CNTNAP5: variants seen among roughly 807,000 people sequenced by gnomAD.
The protein encoded by CNTNAP5 is contactin-associated protein-like 5.
In CNTNAP5, 72 loss-of-function variants were observed where a neutral mutation model predicts 150.2. The observed-to-expected ratio is 0.48, with a 90% CI of 0.40 to 0.58. The LOEUF is 0.58. CNTNAP5 is among the 20% of genes least tolerant of loss of function. The probability of loss-of-function intolerance (pLI) is 0.00; values close to 1 mark genes in which losing one functional copy is unlikely to be tolerated. For synonymous variants in CNTNAP5, 672 were observed against 619.8 expected (o/e 1.08, Z -1.25); for missense variants, 1,636 against 1,626.2 (o/e 1.01, Z -0.10).
chr2:124,673,513 C>T (rs1199666407), intron 13 of CNTNAP5, among the ~76,000 whole-genome samples: 4 of 151,400 alleles, frequency 2.6e-5, no homozygotes, highest in Non-Finnish European at 5.9e-5. Flanking sequence ...TCTTGAAGGC[C>T]TCACACATGA....
chr2:124,041,912 A>G (rs1456047625), intron 1 of CNTNAP5, among the ~76,000 whole-genome samples: 1 of 152,102 alleles, frequency 6.6e-6, no homozygotes, highest in Non-Finnish European at 1.5e-5. Context: ...CCCAGGCTGG[A>G]GTGCAGTGGG....
chr2:124,791,323 G>A (rs1681724363), intron 18 of CNTNAP5, among the ~76,000 whole-genome samples: 1 of 152,108 alleles, frequency 6.6e-6, no homozygotes, highest in Non-Finnish European at 1.5e-5. Context: ...TGCTTCTTGG[G>A]AGAAAATTAA....
intron 8 of CNTNAP5, among the ~76,000 whole-genome samples, chr2:124,511,115 G>C (rs1694578806): frequency 6.6e-6 from 1 of 152,136 alleles, no homozygotes; most frequent in African/African-American, 2.4e-5. Flanking sequence ...GAGATGCTTA[G>C]AATGGAGTTT....
intron 4 of CNTNAP5, among the ~76,000 whole-genome samples, chr2:124,420,890 TCTGA>T (rs1279570996): frequency 3.3e-5 from 5 of 152,204 alleles, no homozygotes; most frequent in Admixed American, 2.6e-4. Context: ...CTAGGGAAAC[TCTGA>T]CTAATACAGA....
chr2:124,765,554 T>C (rs952231355), intron 16 of CNTNAP5, among the ~76,000 whole-genome samples: 1 of 152,156 alleles, frequency 6.6e-6, no homozygotes, highest in Non-Finnish European at 1.5e-5. Context: ...GAATATAATA[T>C]TTATTAAGTG....
intron 3 of CNTNAP5, among the ~76,000 whole-genome samples, chr2:124,268,518 C>T (rs187164277): frequency 1.3e-5 from 2 of 152,184 alleles, no homozygotes; most frequent in African/African-American, 4.8e-5. Context: ...TAGAGGCCTA[C>T]CTACCATATG....
At chr2:124,138,071 A>C (rs533006611) in intron 1 of CNTNAP5, among the ~76,000 whole-genome samples, 1 of 152,182 alleles carries the variant, frequency 6.6e-6, no homozygotes, top group Non-Finnish European at 1.5e-5. Context: ...CTCAAAGAGA[A>C]AGTTAGAGAT....
chr2:124,184,310 T>C (rs929686881), intron 1 of CNTNAP5, among the ~76,000 whole-genome samples: 1 of 152,112 alleles, frequency 6.6e-6, no homozygotes, highest in South Asian at 2.1e-4. Context: ...TCCCCAGCTT[T>C]GGGGTGGGCG....
At chr2:124,425,641 T>C (rs57373088) in intron 4 of CNTNAP5, among the ~76,000 whole-genome samples, 28,531 of 152,108 alleles carry the variant, frequency 0.19, 2,986 homozygotes, top group East Asian at 0.5. Flanking sequence ...TAGAGTTCTA[T>C]TCCATTTCAT....
At chr2:124,575,623 C>T (rs1696265688) in intron 11 of CNTNAP5, among the ~76,000 whole-genome samples, 2 of 152,160 alleles carry the variant, frequency 1.3e-5, no homozygotes, top group Admixed American at 1.3e-4. Flanking sequence ...CTCTATTCTA[C>T]TCTATGCTCT....
rs578175029 is a variant in CNTNAP5, at chr2:124,419,356, A to G, written c.529+1766A>G. On this transcript the variant is annotated intron_variant, in intron 4 of 23. Transcript: ENST00000682447. ...CTACTTGCACAGAAAGAGTCACAGC[A>G]TCGAGTTAAATCACAGGCTGCAGGG... Among the ~76,000 whole-genome samples the G allele has an allele frequency of 3.3e-5, 5 of 152,276 alleles. No individual in the cohort carries two copies. The South Asian group carries it at 1.0e-3, about 32-fold the overall frequency.
chr2:124,676,830 G>T (rs1024169769), intron 13 of CNTNAP5, among the ~76,000 whole-genome samples: 1 of 152,190 alleles, frequency 6.6e-6, no homozygotes, highest in Non-Finnish European at 1.5e-5. Context: ...ATGGTTAAAA[G>T]CCTCTATTAT....
At chr2:124,082,549 A>T (rs1035059610) in intron 1 of CNTNAP5, among the ~76,000 whole-genome samples, 1 of 152,118 alleles carries the variant, frequency 6.6e-6, no homozygotes, top group African/African-American at 2.4e-5. Context: ...TTGTTTAACC[A>T]TTCACCTATC....
intron 6 of CNTNAP5, among the ~76,000 whole-genome samples, chr2:124,453,105 C>G (rs138908671): frequency 1.3e-5 from 2 of 151,672 alleles, no homozygotes; most frequent in African/African-American, 4.8e-5. Context: ...AAAGTCAAAG[C>G]CCAACATAAG....
At chr2:124,619,726 A>G (rs7566511) in intron 12 of CNTNAP5, among the ~76,000 whole-genome samples, 9,253 of 151,280 alleles carry the variant, frequency 0.061, 310 homozygotes, top group African/African-American at 0.076. Context: ...TCTGGTCTGG[A>G]ACTGCAGCTA....
intron 5 of CNTNAP5, among the ~76,000 whole-genome samples, chr2:124,442,953 G>A (rs191225869): frequency 6.6e-6 from 1 of 152,008 alleles, no homozygotes; most frequent in Non-Finnish European, 1.5e-5. Context: ...TATGTTGTTG[G>A]CAAGCCTGTG....
chr2:124,148,643 C>G (rs1684320466), intron 1 of CNTNAP5, among the ~76,000 whole-genome samples: 1 of 148,970 alleles, frequency 6.7e-6, no homozygotes, highest in South Asian at 2.1e-4. Context: ...GCTCATTTAT[C>G]TCATATATAT....
chr2:124,555,742 A>G (rs1695738530), intron 10 of CNTNAP5, among the ~76,000 whole-genome samples: 1 of 152,208 alleles, frequency 6.6e-6, no homozygotes, highest in Admixed American at 6.5e-5. Flanking sequence ...TGTCATGTGC[A>G]AAAAATGTAA....
chr2:124,417,478 G>A lies in CNTNAP5; in HGVS notation c.417G>A (p.Val139=). 6.2e-7 allele frequency: 1 copy of A among 1,613,888 alleles called. No individual in the cohort carries two copies. Among genetic ancestry groups the A allele is most frequent in the Non-Finnish European group, 8.5e-7 (1 of 1,179,862 alleles). Residue 139 remains valine (V), a synonymous_variant, in exon 4 of 24, where the codon GTG becomes GTA. Coordinates refer to ENST00000682447, the MANE Select transcript of CNTNAP5 (RefSeq NM_001367498.1). Reference sequence around the variant, plus strand: ...GAAACATGAATGCTGACAGCGTGGTGCACCACAAGCTATTGCACTCAGTGA... The same window carrying A: ...GAAACATGAATGCTGACAGCGTGGTACACCACAAGCTATTGCACTCAGTGA... ...FAGNMNADSV[V]HHKLLHSVRA...
Sources: allele counts gnomAD v4.1 joint callset (sites outside exome capture counted in the v4.1 genomes callset), GRCh38; gene constraint gnomAD v4.1.1; transcripts MANE v1.5; gene names NCBI Gene and HGNC (gene_info 2026-07-23, HGNC 2026-07-21).